RAPGEF4: variants seen among roughly 807,000 people sequenced by gnomAD.
RAPGEF4 encodes Rap guanine nucleotide exchange factor 4.
A neutral mutation model predicts 147.9 loss-of-function variants in RAPGEF4; 66 were observed. The observed-to-expected ratio is 0.45, with a 90% CI of 0.37 to 0.55. The LOEUF (loss-of-function observed/expected upper bound fraction) is 0.55. Among genes scored for constraint, RAPGEF4 ranks in the 20% least tolerant of loss-of-function variants. RAPGEF4 has a pLI of 0.00. For synonymous variants in RAPGEF4, 419 were observed against 442.7 expected, an observed-to-expected ratio of 0.95 and a Z score of 0.67; for missense variants, 1,071 against 1,257.3, an observed-to-expected ratio of 0.85 and a Z score of 2.24.
intron 28 of RAPGEF4, 95 bp downstream of exon 28, chr2:173,036,307 T>TGG: frequency 1.0e-6 from 1 of 1,002,710 alleles, no homozygotes; most frequent in Non-Finnish European, 1.5e-6. Context: ...TAGGGAAGAA[T>TGG]GATCGATCCC....
At chr2:172,807,602 T>C (rs1015591687) in intron 3 of RAPGEF4, among the ~76,000 whole-genome samples, 1 of 152,216 alleles carries the variant, frequency 6.6e-6, no homozygotes, top group African/African-American at 2.4e-5. Context: ...CAGCACTAAA[T>C]TCAAGTTCGT....
intron 10 of RAPGEF4, among the ~76,000 whole-genome samples, chr2:172,981,286 C>T (rs1001898101): frequency 1.3e-4 from 20 of 152,334 alleles, no homozygotes; most frequent in Admixed American, 3.9e-4. Flanking sequence ...AATCCTATTA[C>T]GCCTACCTTG....
intron 4 of RAPGEF4, among the ~76,000 whole-genome samples, chr2:172,850,994 G>A (rs1692753710): frequency 6.6e-6 from 1 of 152,032 alleles, no homozygotes; most frequent in African/African-American, 2.4e-5. Context: ...CTTTGGGGTT[G>A]GTTCACTCTT....
chr2:172,821,000 G>A (rs981341042), intron 4 of RAPGEF4, among the ~76,000 whole-genome samples: 3 of 152,144 alleles, frequency 2.0e-5, no homozygotes, highest in Admixed American at 6.5e-5. Flanking sequence ...CTTTGCTGAG[G>A]TGCTTTAAAA....
At position 173,001,333 on chromosome 2, in the gene RAPGEF4, A is replaced by T. The variant is rs1693896382; in HGVS notation, c.1647A>T (p.Ala549=). Residue 549 remains alanine, a synonymous_variant, in exon 17 of 31, where the codon GCA becomes GCT. Transcript: ENST00000397081. ...TGCCAAATACCCAGCTTTGCCCGGC[A>T]CTGGTGGCCCAATATCCTTTTATTG... ...VFMPNTQLCP[A]LVAHYHAQPS... 1 of 1,613,932 alleles carries T rather than the reference A, an allele frequency of 6.2e-7. No individual in the cohort carries two copies. Among genetic ancestry groups the T allele is most frequent in the Non-Finnish European group, 8.5e-7 (1 of 1,179,914 alleles).
intron 4 of RAPGEF4, 99 bp from the exon 5 acceptor site, chr2:172,917,703 C>A: frequency 9.8e-7 from 1 of 1,021,550 alleles, no homozygotes; most frequent in Non-Finnish European, 1.5e-6. Context: ...GGCTCAGATG[C>A]TTCCTGACAC....
chr2:172,793,050 T>C (rs1049125034), intron 1 of RAPGEF4, among the ~76,000 whole-genome samples: 1 of 152,226 alleles, frequency 6.6e-6, no homozygotes, highest in African/African-American at 2.4e-5. Context: ...ATGACTTCTC[T>C]GAAGGCTCTA....
At chr2:172,795,210 A>C in intron 2 of RAPGEF4, 43 bp downstream of exon 2, 1 of 1,554,286 alleles carries the variant, frequency 6.4e-7, no homozygotes, top group South Asian at 1.1e-5. Flanking sequence ...TGTATGGTTT[A>C]TGCTGATTTG....
At chr2:173,047,103 A>T (rs533046757) in intron 29 of RAPGEF4, among the ~76,000 whole-genome samples, 1 of 152,162 alleles carries the variant, frequency 6.6e-6, no homozygotes, top group African/African-American at 2.4e-5. Flanking sequence ...TTAATCTATT[A>T]TCTCCACAGG....
intron 27 of RAPGEF4, among the ~76,000 whole-genome samples, chr2:173,035,753 T>C (rs765419869): frequency 5.3e-5 from 8 of 152,220 alleles, no homozygotes; most frequent in Non-Finnish European, 1.2e-4. Flanking sequence ...ATATTTTGTA[T>C]GTTATATGTA....
intron 10 of RAPGEF4, among the ~76,000 whole-genome samples, chr2:172,971,719 A>G (rs1325898618): frequency 2.6e-5 from 4 of 152,136 alleles, no homozygotes; most frequent in African/African-American, 9.7e-5. Context: ...TAGGAGACAG[A>G]CAGTCCAACT....
At chr2:172,970,031 G>C (rs1489958785) in intron 10 of RAPGEF4, among the ~76,000 whole-genome samples, 2 of 152,098 alleles carry the variant, frequency 1.3e-5, no homozygotes, top group African/African-American at 4.8e-5. Context: ...TCGAAACTTT[G>C]CAAACGTTGG....
intron 23 of RAPGEF4, 139 bp from the exon 24 acceptor site, chr2:173,026,433 A>C: frequency 1.1e-6 from 1 of 873,472 alleles, no homozygotes. Context: ...GAGCAGAGGC[A>C]TCTCTCCTCA....
chr2:172,987,042 GT>G (rs1692335569), intron 12 of RAPGEF4, among the ~76,000 whole-genome samples: 1 of 152,188 alleles, frequency 6.6e-6, no homozygotes, highest in African/African-American at 2.4e-5. Flanking sequence ...GCTGGGTGCA[GT>G]GGCTCATGTC....
At chr2:172,956,795 A>T (rs1031466048) in intron 6 of RAPGEF4, among the ~76,000 whole-genome samples, 1 of 152,176 alleles carries the variant, frequency 6.6e-6, no homozygotes, top group Non-Finnish European at 1.5e-5. Flanking sequence ...TAAAAAGTTA[A>T]TTCAGACCAA....
At chr2:172,843,623 C>G (rs1016767543) in intron 4 of RAPGEF4, among the ~76,000 whole-genome samples, 1 of 152,174 alleles carries the variant, frequency 6.6e-6, no homozygotes, top group Non-Finnish European at 1.5e-5. Context: ...CTTTTGTCAG[C>G]AAAACCTGAC....
chr2:172,784,801 G>A (rs1685033412), intron 1 of RAPGEF4, among the ~76,000 whole-genome samples: 1 of 151,762 alleles, frequency 6.6e-6, no homozygotes, highest in Non-Finnish European at 1.5e-5. Flanking sequence ...TAACTTCTGT[G>A]TCTAAATGTG....
intron 1 of RAPGEF4, among the ~76,000 whole-genome samples, chr2:172,792,508 C>T (rs1232746425): frequency 6.6e-6 from 1 of 152,166 alleles, no homozygotes; most frequent in African/African-American, 2.4e-5. Flanking sequence ...TCCTCTTCCC[C>T]AGGAAGCAGA....
chr2:172,983,064 A>G (rs1025815514), intron 10 of RAPGEF4, among the ~76,000 whole-genome samples: 8 of 152,236 alleles, frequency 5.3e-5, no homozygotes, highest in African/African-American at 1.9e-4. Flanking sequence ...CTAGGCTAAG[A>G]TAGTACACAG....
Sources: allele counts gnomAD v4.1 joint callset (sites outside exome capture counted in the v4.1 genomes callset), GRCh38; gene constraint gnomAD v4.1.1; transcripts MANE v1.5; gene names NCBI Gene and HGNC (gene_info 2026-07-23, HGNC 2026-07-21).